Variants in CDKAL1 observed in about 807,000 individuals in gnomAD.
CDKAL1 encodes CDKAL1 threonylcarbamoyladenosine tRNA methylthiotransferase, also known as threonylcarbamoyladenosine tRNA methylthiotransferase.
In CDKAL1, 32 loss-of-function variants were observed where a neutral mutation model predicts 68.2. The observed-to-expected ratio is 0.47, with a 90% confidence interval of 0.35 to 0.63. The LOEUF (loss-of-function observed/expected upper bound fraction) is 0.63, where lower values mean the gene tolerates loss of function less well. Ranked by LOEUF, CDKAL1 falls within the 30% of genes least tolerant of loss-of-function variation. The pLI is 0.00. For missense variants in CDKAL1, 606 were observed against 696.7 expected (o/e 0.87, Z 1.47); for synonymous variants, 234 against 244.3 (o/e 0.96, Z 0.39).
chr6:20,830,422 G>C (rs1001420821), intron 8 of CDKAL1, among the ~76,000 whole-genome samples: 1 of 152,006 alleles, frequency 6.6e-6, no homozygotes, highest in East Asian at 1.9e-4. Context: ...ATGATTCACC[G>C]TACTCTGTTT....
intron 5 of CDKAL1, among the ~76,000 whole-genome samples, chr6:20,659,888 C>T (rs1367812447): frequency 6.6e-6 from 1 of 151,996 alleles, no homozygotes; most frequent in African/African-American, 2.4e-5. Context: ...TTGTTCAATG[C>T]CTCTCTCTCC....
Position 20,535,363 on chromosome 6 carries a change from A to C in CDKAL1, c.-37A>C, listed in dbSNP as rs868830505. Reference sequence around the variant, plus strand: ...TTTTATTTTCCAGACTCATCTTTCAAGAGGACTTTAGACTAATTGCAGATA... The same window carrying C: ...TTTTATTTTCCAGACTCATCTTTCACGAGGACTTTAGACTAATTGCAGATA... On this transcript the variant is annotated 5_prime_UTR_variant, in exon 2 of 16. Coordinates refer to ENST00000274695, the MANE Select transcript of CDKAL1 (RefSeq NM_017774.3). The C allele has an allele frequency of 6.6e-6, 1 of 152,440 alleles. No homozygotes were observed. The highest frequency in any genetic ancestry group is 3.4e-3 in the Middle Eastern group (1 of 294). 9.4% of individuals were successfully genotyped at this position (152,440 alleles called of 1,614,324 possible). A position where few individuals can be genotyped will look rare whatever the true frequency, so the allele number is the denominator to read the frequency against.
In CDKAL1 at chr6:20,694,173, TAAACAAACAAAC is replaced by T. The variant is rs199756184; in HGVS notation, c.371+44811_371+44822del. Among the ~76,000 whole-genome samples, 19 of 149,658 alleles carry T rather than the reference TAAACAAACAAAC, an allele frequency of 1.3e-4. No individual in the cohort carries two copies. The East Asian group carries it at 3.1e-3, about 24-fold the overall frequency. On this transcript the variant is annotated intron_variant, in intron 5 of 15. Coordinates refer to ENST00000274695, the MANE Select transcript of CDKAL1 (RefSeq NM_017774.3). ...ATGTGGAGTTTTATAACTATCTTTA[TAAACAAACAAAC>T]AAACAAACAAACAAGCAAACAAACA...
At chr6:20,963,377 T>C (rs6915209) in intron 10 of CDKAL1, among the ~76,000 whole-genome samples, 137,259 of 151,990 alleles carry the variant, frequency 0.9, 62,085 homozygotes, top group East Asian at 1. Flanking sequence ...TGATACTACT[T>C]GCTTGTGCCC....
At chr6:20,971,374 G>A (rs139185105) in intron 10 of CDKAL1, among the ~76,000 whole-genome samples, 316 of 152,262 alleles carry the variant, frequency 2.1e-3, no homozygotes, top group African/African-American at 7.3e-3. Flanking sequence ...GTGCACATCA[G>A]GTGATTGGAC....
At chr6:21,081,924 G>T (rs1403769332) in intron 12 of CDKAL1, among the ~76,000 whole-genome samples, 1 of 151,948 alleles carries the variant, frequency 6.6e-6, no homozygotes, top group Non-Finnish European at 1.5e-5. Flanking sequence ...GATAAGTATG[G>T]TTCATTAATA....
At chr6:20,995,957 A>G (rs1313829385) in intron 10 of CDKAL1, among the ~76,000 whole-genome samples, 1 of 152,242 alleles carries the variant, frequency 6.6e-6, no homozygotes, top group Non-Finnish European at 1.5e-5. Flanking sequence ...CAGTGATCTT[A>G]GCTAAGTCTT....
chr6:20,758,456 A>G, intron 6 of CDKAL1, 139 bp from the exon 7 acceptor site: 1 of 605,980 alleles, frequency 1.7e-6, no homozygotes. Flanking sequence ...GATATTTTTT[A>G]TAGTGTCTCC....
chr6:20,742,096 G>A (rs13204257), intron 6 of CDKAL1, among the ~76,000 whole-genome samples: 10,143 of 152,006 alleles, frequency 0.067, 464 homozygotes, highest in African/African-American at 0.12. Context: ...CTTGTTAGCC[G>A]CGTGTATGTC....
chr6:20,883,133 T>C (rs568412466), intron 9 of CDKAL1, among the ~76,000 whole-genome samples: 223 of 152,302 alleles, frequency 1.5e-3, no homozygotes, highest in African/African-American at 5.1e-3. Flanking sequence ...TTCTGACAGA[T>C]TGGTACAGGG....
chr6:20,920,867 A>G (rs986100100), intron 9 of CDKAL1, among the ~76,000 whole-genome samples: 1 of 152,220 alleles, frequency 6.6e-6, no homozygotes, highest in Non-Finnish European at 1.5e-5. Flanking sequence ...ATTTTGGAAT[A>G]TGGCAGTCAG....
intron 9 of CDKAL1, among the ~76,000 whole-genome samples, chr6:20,939,335 C>G (rs992023486): frequency 9.2e-5 from 14 of 152,188 alleles, no homozygotes; most frequent in African/African-American, 3.1e-4. Flanking sequence ...GAAAGAGAAC[C>G]TTTCTAGGAC....
intron 10 of CDKAL1, among the ~76,000 whole-genome samples, chr6:20,975,487 T>G (rs1411599114): frequency 1.3e-5 from 2 of 152,254 alleles, no homozygotes; most frequent in African/African-American, 4.8e-5. Flanking sequence ...ATGCTTCATG[T>G]ATATGCTTAT....
chr6:20,836,290 A>T (rs1777938298), intron 8 of CDKAL1, among the ~76,000 whole-genome samples: 1 of 152,238 alleles, frequency 6.6e-6, no homozygotes, highest in African/African-American at 2.4e-5. Context: ...ATTACCAAAA[A>T]TATAATGTTT....
At chr6:20,605,186 C>T (rs1766280130) in intron 4 of CDKAL1, among the ~76,000 whole-genome samples, 1 of 152,150 alleles carries the variant, frequency 6.6e-6, no homozygotes, top group African/African-American at 2.4e-5. Context: ...CTTAGTACTT[C>T]CATCCCCAAC....
intron 9 of CDKAL1, among the ~76,000 whole-genome samples, chr6:20,882,847 C>A (rs1354590213): frequency 6.6e-6 from 1 of 152,154 alleles, no homozygotes; most frequent in African/African-American, 2.4e-5. Flanking sequence ...GTGATATGTT[C>A]TTTTCTCATA....
At chr6:21,169,600 C>G (rs185884517) in intron 13 of CDKAL1, among the ~76,000 whole-genome samples, 1 of 152,334 alleles carries the variant, frequency 6.6e-6, no homozygotes, top group East Asian at 1.9e-4. Context: ...CGCACCACTA[C>G]ACCCCAGCCT....
chr6:20,581,227 A>AC (rs1428901398), intron 4 of CDKAL1, among the ~76,000 whole-genome samples: 9 of 152,180 alleles, frequency 5.9e-5, no homozygotes, highest in African/African-American at 2.2e-4. Flanking sequence ...GTTGTTTGTT[A>AC]AGGAGTGATT....
chr6:21,064,507 A>G (rs1273260755), intron 11 of CDKAL1, among the ~76,000 whole-genome samples: 1 of 152,214 alleles, frequency 6.6e-6, no homozygotes, highest in East Asian at 1.9e-4. Flanking sequence ...ACATAGGTAT[A>G]TAGAACATTA....
Sources: gnomAD v4.1 joint callset for allele counts (sites outside exome capture counted in the v4.1 genomes callset) on GRCh38, gnomAD v4.1.1 for gene constraint, MANE v1.5 for transcripts, NCBI Gene and HGNC (gene_info 2026-07-23, HGNC 2026-07-21) for gene names.